The following LAMA3 variants were observed in gnomAD, a reference collection of about 807,000 sequenced individuals.
The protein encoded by LAMA3 is laminin subunit alpha-3.
Under a neutral mutation model 402.0 loss-of-function variants are expected in LAMA3, and 281 were observed. The observed-to-expected ratio is 0.70, with a 90% CI of 0.63 to 0.77. LAMA3 has a LOEUF of 0.77. LAMA3 is among the 30% of genes least tolerant of loss of function. The pLI, the probability that LAMA3 is intolerant of heterozygous loss-of-function variation, is 0.00. For missense variants in LAMA3, 3,840 were observed against 4,215.5 expected (o/e 0.91, Z 2.47); for synonymous variants, 1,431 against 1,558.4 (o/e 0.92, Z 1.93).
intron 1 of LAMA3, among the ~76,000 whole-genome samples, chr18:23,705,427 C>G (rs1457875688): frequency 6.7e-6 from 1 of 149,414 alleles, no homozygotes; most frequent in Non-Finnish European, 1.5e-5. Context: ...AGAGACCCAG[C>G]TCGGGAATGT....
In LAMA3 at chr18:23,876,321, C is replaced by G; in HGVS notation, c.5026C>G (p.His1676Asp). 1 of 1,613,758 alleles carries G rather than the reference C, an allele frequency of 6.2e-7. No individual in the cohort carries two copies. Among genetic ancestry groups the G allele is most frequent in the Non-Finnish European group, 8.5e-7 (1 of 1,179,628 alleles). The change falls in exon 39 of 75, where the codon CAT becomes GAT. Residue 1676 changes from histidine (H) to aspartate (D), a missense_variant. By Grantham distance (81) the His-to-Asp change is moderately conservative. Transcript: ENST00000313654. ...TTGTAGCCCTGGATACTATCGGGATCATAAAGGCTTGTATACCGGACGGTG... is the reference window on the plus strand; with the variant it reads ...TTGTAGCCCTGGATACTATCGGGATGATAAAGGCTTGTATACCGGACGGTG... ...QGCSPGYYRD[H>D]KGLYTGRCVP...
intron 18 of LAMA3, 120 bp from the exon 19 acceptor site, chr18:23,819,721 T>C (rs2063246377): frequency 1.1e-6 from 1 of 880,800 alleles, no homozygotes; most frequent in Non-Finnish European, 1.9e-6. Flanking sequence ...CATTTGTCCT[T>C]TATTTAATGT....
At chr18:23,950,805 C>T (rs895560014) in intron 72 of LAMA3, among the ~76,000 whole-genome samples, 2 of 152,162 alleles carry the variant, frequency 1.3e-5, no homozygotes, top group East Asian at 1.9e-4. Flanking sequence ...CTATTGTAGT[C>T]TTTAATTAAG....
chr18:23,843,277 T>C (rs2063744908), intron 29 of LAMA3, among the ~76,000 whole-genome samples: 1 of 152,198 alleles, frequency 6.6e-6, no homozygotes, highest in Admixed American at 6.5e-5. Context: ...CTCCAGTATG[T>C]GACCACCATC....
chr18:23,860,555 G>A (rs1427519981), intron 34 of LAMA3, among the ~76,000 whole-genome samples: 1 of 151,656 alleles, frequency 6.6e-6, no homozygotes, highest in African/African-American at 2.4e-5. Context: ...CACCACACCC[G>A]GCCTTCTTTG....
chr18:23,735,102 G>C (rs2061451802), intron 2 of LAMA3, among the ~76,000 whole-genome samples: 2 of 152,192 alleles, frequency 1.3e-5, no homozygotes, highest in African/African-American at 4.8e-5. Flanking sequence ...AGAAGGAAAG[G>C]GTTCCTCGTA....
In LAMA3 at chr18:23,839,999, G is replaced by A; in HGVS notation, c.3336+70G>A. The A allele has an allele frequency of 6.5e-7, 1 of 1,541,906 alleles. No individual in the cohort carries two copies. Among genetic ancestry groups the A allele is most frequent in the Non-Finnish European group, 9.0e-7 (1 of 1,115,808 alleles). ...TGAAGCAGCAGCATCCACATCACTT[G>A]GAAACTTGTCAGCAATGCAGATTCA... On this transcript the variant is annotated intron_variant, in intron 27 of 74. Transcript: ENST00000313654. The surrounding 1 kb of genome is among the most constrained non-coding windows in gnomAD (Gnocchi z 4.5).
intron 12 of LAMA3, among the ~76,000 whole-genome samples, chr18:23,784,880 A>G (rs2062512204): frequency 1.3e-5 from 2 of 152,164 alleles, no homozygotes; most frequent in African/African-American, 2.4e-5. Context: ...GGAGAAGATT[A>G]TCAGTCCAGG....
intron 15 of LAMA3, among the ~76,000 whole-genome samples, chr18:23,814,882 A>T (rs1350308776): frequency 6.6e-6 from 1 of 152,226 alleles, no homozygotes; most frequent in Non-Finnish European, 1.5e-5. Flanking sequence ...GTGTATTTTC[A>T]TGCATGCATA....
Position 23,827,580 on chromosome 18 carries a change from T to C in LAMA3, c.2823+113T>C, listed in dbSNP as rs2063409536. The C allele has an allele frequency of 3.3e-6, 4 of 1,199,052 alleles. 1 individual carries two copies. The South Asian group carries it at 5.5e-5, about 17-fold the overall frequency. 74.3% of individuals were successfully genotyped at this position (1,199,052 alleles called of 1,614,324 possible). On this transcript the variant is annotated intron_variant, in intron 23 of 74. Transcript: ENST00000313654. ...ATTCAGGGGAACCTGGAAGAATTTCTCAGAGGTGTTTATCAACATTTGCTG... is the reference window on the plus strand; with the variant it reads ...ATTCAGGGGAACCTGGAAGAATTTCCCAGAGGTGTTTATCAACATTTGCTG...
At chr18:23,766,347 A>G (rs996225079) in intron 8 of LAMA3, among the ~76,000 whole-genome samples, 1 of 152,214 alleles carries the variant, frequency 6.6e-6, no homozygotes, top group African/African-American at 2.4e-5. Flanking sequence ...ATATCCTTCA[A>G]GAATAAAAGC....
chr18:23,895,106 G>T, intron 44 of LAMA3, 48 bp downstream of exon 44: 1 of 1,544,840 alleles, frequency 6.5e-7, no homozygotes, highest in East Asian at 2.4e-5. Context: ...GAGATGCTGC[G>T]GGAGTGGATT....
intron 2 of LAMA3, among the ~76,000 whole-genome samples, chr18:23,724,117 G>A (rs1212143621): frequency 1.3e-5 from 2 of 152,064 alleles, no homozygotes; most frequent in Non-Finnish European, 2.9e-5. Context: ...ACATATGAAC[G>A]AGAACATACG....
chr18:23,915,261 G>T, intron 58 of LAMA3, 28 bp from the exon 59 acceptor site: 1 of 1,610,400 alleles, frequency 6.2e-7, no homozygotes. Context: ...TTGTTCAATT[G>T]GTGGAAGATG....
intron 2 of LAMA3, among the ~76,000 whole-genome samples, chr18:23,737,648 AG>A (rs2061497335): frequency 6.6e-6 from 1 of 152,290 alleles, no homozygotes; most frequent in African/African-American, 2.4e-5. Context: ...TGGAATCCTT[AG>A]GGTTCTGGCT....
Position 23,847,536 on chromosome 18 carries a change from C to A in LAMA3, c.4004C>A (p.Pro1335His). The A allele has an allele frequency of 1.2e-6, 2 of 1,614,074 alleles. No homozygotes were observed. Among genetic ancestry groups the A allele is most frequent in the Non-Finnish European group, 1.7e-6 (2 of 1,180,052 alleles). ...CGCTGCCCTCCCCGCACGGTCAGGC[C>A]CCAGTGTGAGGTGTGTGAGACACAC... The part of the protein sequence containing the change: ...QCRCPPRTVR[P>H]QCEVCETHSF... Residue 1335 changes from proline (P) to histidine (H), a missense_variant, in exon 32 of 75, where the codon CCC (proline) becomes CAC (histidine). By Grantham distance (77) the Pro-to-His change is moderately conservative (BLOSUM62 -2). Transcript: ENST00000313654.
In LAMA3 at chr18:23,842,667, G is replaced by A. The variant is rs1025300353; in HGVS notation, c.3520G>A (p.Ala1174Thr). The A allele has an allele frequency of 6.2e-7, 1 of 1,614,078 alleles. No individual in the cohort carries two copies. The highest frequency in any genetic ancestry group is 1.3e-5 in the African/African-American group (1 of 74,934). ...HVLGCRDQVI[A>T]EGQIEFDISE... The stretch of plus-strand genomic sequence containing the variant: ...GCTTGGCTGCCGGGATCAAGTGATT[G>A]CCGAAGGCCAGATTGAGTTTGACAT... Residue 1174 changes from alanine to threonine, a missense_variant, in exon 29 of 75, where the codon GCC becomes ACC. Ala to Thr is a moderately conservative substitution (Grantham distance 58). This residue lies in a region of LAMA3 where 2,109 missense variants were observed against 2,376.0 expected (regional missense o/e 0.89). Transcript: ENST00000313654.
In LAMA3 at chr18:23,914,793, A is replaced by G. The variant is rs750249428; in HGVS notation, c.7577A>G (p.Asn2526Ser). The G allele has an allele frequency of 2.0e-5, 33 of 1,613,294 alleles. No individual in the cohort carries two copies. Among genetic ancestry groups the G allele is most frequent in the Non-Finnish European group, 2.8e-5 (33 of 1,179,360 alleles). Residue 2526 changes from asparagine to serine, a missense_variant, in exon 58 of 75, where the codon AAT becomes AGT. By Grantham distance (46) the Asn-to-Ser change is conservative. Transcript: ENST00000313654. Reference protein sequence around the residue: ...GVYDMDGRNSNTLLNLDPENV... With the variant: ...GVYDMDGRNSSTLLNLDPENV... Reference sequence around the variant, plus strand: ...TATGACATGGATGGTAGAAATAGCAATACACTCCTTAATTTGGATCCTGAA... The same window carrying G: ...TATGACATGGATGGTAGAAATAGCAGTACACTCCTTAATTTGGATCCTGAA...
intron 24 of LAMA3, chr18:23,834,483 C>G (rs1313342325): frequency 5.8e-6 from 1 of 173,494 alleles, no homozygotes; most frequent in East Asian, 1.5e-4. Flanking sequence ...TCAAAATTTG[C>G]CCTGATGAAG....
Sources: allele counts gnomAD v4.1 joint callset (sites outside exome capture counted in the v4.1 genomes callset), GRCh38; gene constraint gnomAD v4.1.1; regional missense constraint gnomAD v4.1.1; non-coding constraint Gnocchi (gnomAD v3.1); transcripts MANE v1.5; gene names NCBI Gene and HGNC (gene_info 2026-07-23, HGNC 2026-07-21).